Variants in ARID5B observed in about 807,000 individuals in gnomAD.
ARID5B encodes AT-rich interaction domain 5B.
Under a neutral mutation model 97.2 loss-of-function variants are expected in ARID5B, and 13 were observed. That is an observed-to-expected ratio of 0.13 (90% CI 0.09 to 0.21). ARID5B has a LOEUF of 0.21. ARID5B is among the 10% of genes least tolerant of loss of function. ARID5B has a pLI of 1.00. For missense variants in ARID5B, 1,210 were observed against 1,465.3 expected, an observed-to-expected ratio of 0.83 and a Z score of 2.84; for synonymous variants, 556 against 570.3, an observed-to-expected ratio of 0.97 and a Z score of 0.36.
At chr10:62,070,469 AT>A (rs1170873913) in intron 8 of ARID5B, among the ~76,000 whole-genome samples, 2 of 152,206 alleles carry the variant, frequency 1.3e-5, no homozygotes, top group African/African-American at 4.8e-5. Flanking sequence ...TTATCCCTCT[AT>A]GCTTCAAGCC....
At chr10:61,996,885 GA>G (rs199599810) in intron 3 of ARID5B, among the ~76,000 whole-genome samples, 15,494 of 143,940 alleles carry the variant, frequency 0.11, 895 homozygotes, top group Non-Finnish European at 0.13. Flanking sequence ...TCTGACAACT[GA>G]AAAAAAAAAA....
At chr10:61,982,219 G>C (rs377137922) in intron 3 of ARID5B, among the ~76,000 whole-genome samples, 1 of 152,146 alleles carries the variant, frequency 6.6e-6, no homozygotes, top group Admixed American at 6.5e-5. Context: ...TTGCCTCTGT[G>C]CTAAGTAAAT....
intron 3 of ARID5B, among the ~76,000 whole-genome samples, chr10:61,952,533 A>G (rs902256798): frequency 1.3e-5 from 2 of 152,238 alleles, no homozygotes; most frequent in Non-Finnish European, 1.5e-5. Flanking sequence ...TTAAGTAAAC[A>G]TGCGGCTTTT....
chr10:62,044,601 G>A (rs563742306), intron 4 of ARID5B, among the ~76,000 whole-genome samples: 2 of 151,982 alleles, frequency 1.3e-5, no homozygotes, highest in African/African-American at 2.4e-5. Flanking sequence ...TCAAGTTCCC[G>A]GTCAAGCAAT....
At chr10:61,939,932 C>T (rs1186603282) in intron 2 of ARID5B, among the ~76,000 whole-genome samples, 3 of 152,232 alleles carry the variant, frequency 2.0e-5, no homozygotes, top group Admixed American at 6.5e-5. Context: ...ATTAGAATTA[C>T]TGTCCTATTT....
At chr10:61,942,394 A>C (rs1844425861) in intron 3 of ARID5B, among the ~76,000 whole-genome samples, 2 of 152,210 alleles carry the variant, frequency 1.3e-5, no homozygotes, top group South Asian at 2.1e-4. Context: ...GTTGCTTATT[A>C]GACTCAAGAA....
At chr10:61,974,479 G>T (rs941241286) in intron 3 of ARID5B, among the ~76,000 whole-genome samples, 19 of 152,086 alleles carry the variant, frequency 1.2e-4, no homozygotes, top group Non-Finnish European at 1.9e-4. Context: ...ATGTGGGACA[G>T]GAATGTTGAA....
At chr10:61,943,388 T>C (rs531713193) in intron 3 of ARID5B, among the ~76,000 whole-genome samples, 2 of 152,270 alleles carry the variant, frequency 1.3e-5, no homozygotes, top group South Asian at 2.1e-4. Flanking sequence ...CACACACTTA[T>C]TAGGTTTTTC....
rs371175812 is a variant in ARID5B at position 62,067,016 on chromosome 10, G to A, written c.1102-2684G>A. On this transcript the variant is annotated intron_variant, in intron 7 of 9. Transcript: ENST00000279873. The stretch of plus-strand genomic sequence containing the variant: ...TCCAATAAATTTTTGGTGAATTAAC[G>A]GATGAGTGACTGGATGGATTCTGAT... Among the ~76,000 whole-genome samples the A allele has an allele frequency of 5.3e-4, 81 of 151,994 alleles. 1 individual carries two copies. The South Asian group carries it at 0.017, about 31-fold the overall frequency.
chr10:61,979,946 A>G (rs1838754431), intron 3 of ARID5B, among the ~76,000 whole-genome samples: 1 of 151,954 alleles, frequency 6.6e-6, no homozygotes. Flanking sequence ...ACAAAAAATT[A>G]GCCAAGCGTG....
At chr10:61,994,257 AT>A (rs1254422420) in intron 3 of ARID5B, among the ~76,000 whole-genome samples, 2 of 152,016 alleles carry the variant, frequency 1.3e-5, no homozygotes, top group Middle Eastern at 3.4e-3. Flanking sequence ...TTTTTAAAAG[AT>A]TTTTTTTAAA....
intron 3 of ARID5B, among the ~76,000 whole-genome samples, chr10:61,990,184 C>G (rs1838904425): frequency 6.6e-6 from 1 of 152,148 alleles, no homozygotes. Flanking sequence ...CCCCAGAAGC[C>G]CTGCGGTAAG....
intron 3 of ARID5B, among the ~76,000 whole-genome samples, chr10:61,999,227 G>T (rs1002168775): frequency 1.3e-5 from 2 of 152,192 alleles, no homozygotes; most frequent in Non-Finnish European, 2.9e-5. Context: ...TAGACCCATG[G>T]ACATCTTTGG....
chr10:61,945,340 CA>C (rs1024813777), intron 3 of ARID5B, among the ~76,000 whole-genome samples: 5 of 151,406 alleles, frequency 3.3e-5, no homozygotes, highest in African/African-American at 7.3e-5. Flanking sequence ...TTCTCAGCCA[CA>C]AAAAAAGATA....
chr10:62,066,774 A>T (rs911713740), intron 7 of ARID5B, among the ~76,000 whole-genome samples: 41 of 152,160 alleles, frequency 2.7e-4, no homozygotes, highest in African/African-American at 8.7e-4. Context: ...AGATGGTAGG[A>T]TGGGGAGGGA....
intron 3 of ARID5B, among the ~76,000 whole-genome samples, chr10:61,988,767 C>T (rs1838881005): frequency 6.6e-6 from 1 of 152,122 alleles, no homozygotes; most frequent in Admixed American, 6.5e-5. Flanking sequence ...CTAAAGAGAG[C>T]TATGCTGTTC....
chr10:62,057,689 T>C (rs1228820019), intron 6 of ARID5B, among the ~76,000 whole-genome samples: 1 of 152,136 alleles, frequency 6.6e-6, no homozygotes, highest in Non-Finnish European at 1.5e-5. Context: ...AAAAACAGCT[T>C]TTAAAAGGAG....
At chr10:61,923,471 C>G (rs1422096770) in intron 2 of ARID5B, among the ~76,000 whole-genome samples, 1 of 152,200 alleles carries the variant, frequency 6.6e-6, no homozygotes, top group Non-Finnish European at 1.5e-5. Context: ...CTGTTTTATT[C>G]CTGGCTGTAA....
At chr10:62,046,064 T>G (rs1839704123) in intron 4 of ARID5B, among the ~76,000 whole-genome samples, 1 of 152,222 alleles carries the variant, frequency 6.6e-6, no homozygotes, top group Non-Finnish European at 1.5e-5. Flanking sequence ...AAAGAATTTC[T>G]CGAGAGAATA....
Sources: gnomAD v4.1 joint callset for allele counts (sites outside exome capture counted in the v4.1 genomes callset) on GRCh38, gnomAD v4.1.1 for gene constraint, MANE v1.5 for transcripts, NCBI Gene and HGNC (gene_info 2026-07-23, HGNC 2026-07-21) for gene names.